Variants in TRPS1 observed in about 807,000 individuals in gnomAD.
TRPS1 encodes the protein transcriptional repressor GATA binding 1, also known as zinc finger transcription factor Trps1.
In TRPS1, 6 loss-of-function variants were observed where a neutral mutation model predicts 101.2. That is an observed-to-expected ratio of 0.06 (90% CI 0.03 to 0.12). TRPS1 has a LOEUF of 0.12. TRPS1 is among the 10% of genes least tolerant of loss of function. TRPS1 has a pLI of 1.00. For synonymous variants in TRPS1, 578 were observed against 589.8 expected, an observed-to-expected ratio of 0.98 and a Z score of 0.29; for missense variants, 1,363 against 1,567.0, an observed-to-expected ratio of 0.87 and a Z score of 2.20.
At chr8:115,533,447 T>TTTGTTTTTTTTTTTTTTTTTTTG (rs1554583407) in intron 5 of TRPS1, among the ~76,000 whole-genome samples, 2 of 131,444 alleles carry the variant, frequency 1.5e-5, no homozygotes, top group African/African-American at 6.2e-5. Context: ...TTTTTTTTTT[T>TTTGTTTTTTTTTTTTTTTTTTTG]TTTTTTTTTT....
intron 5 of TRPS1, among the ~76,000 whole-genome samples, chr8:115,535,250 A>ATATAGCATATG (rs1816269186): frequency 1.3e-5 from 1 of 76,604 alleles, no homozygotes; most frequent in Non-Finnish European, 2.6e-5. Context: ...TATAGCATAT[A>ATATAGCATATG]TAGCATATAT....
chr8:115,490,281 C>A (rs1194395327), intron 5 of TRPS1, among the ~76,000 whole-genome samples: 1 of 151,984 alleles, frequency 6.6e-6, no homozygotes, highest in African/African-American at 2.4e-5. Context: ...TCTTTGCATT[C>A]CAATTTTTCT....
intron 5 of TRPS1, among the ~76,000 whole-genome samples, chr8:115,560,695 T>C (rs1045243755): frequency 1.3e-5 from 2 of 152,104 alleles, no homozygotes; most frequent in African/African-American, 4.8e-5. Flanking sequence ...CTGGACTGGA[T>C]GAATGGCCTG....
chr8:115,513,055 A>G (rs1299180685), intron 5 of TRPS1, among the ~76,000 whole-genome samples: 1 of 151,622 alleles, frequency 6.6e-6, no homozygotes, highest in Non-Finnish European at 1.5e-5. Context: ...TTACAAAAAT[A>G]TTTTCAAAAA....
At chr8:115,426,830 C>A (rs1307996893) in intron 5 of TRPS1, among the ~76,000 whole-genome samples, 1 of 152,096 alleles carries the variant, frequency 6.6e-6, no homozygotes, top group African/African-American at 2.4e-5. Flanking sequence ...ACATATTATC[C>A]CAGTTCAGAT....
intron 5 of TRPS1, among the ~76,000 whole-genome samples, chr8:115,533,436 G>GTTATTTTTTTTTTTTTTTTT (rs1816187553): frequency 2.9e-5 from 1 of 34,986 alleles, no homozygotes; most frequent in Non-Finnish European, 5.3e-5. Flanking sequence ...CATGTAATCT[G>GTTATTTTTTTTTTTTTTTTT]TTTTTTTTTT....
At chr8:115,459,345 T>TAATAATAAA (rs1247156967) in intron 5 of TRPS1, among the ~76,000 whole-genome samples, 1 of 151,774 alleles carries the variant, frequency 6.6e-6, no homozygotes, top group Non-Finnish European at 1.5e-5. Context: ...ATAATAATAA[T>TAATAATAAA]AATGATGTTA....
chr8:115,649,601 G>A (rs577361600), intron 1 of TRPS1, among the ~76,000 whole-genome samples: 5 of 152,200 alleles, frequency 3.3e-5, no homozygotes, highest in African/African-American at 4.8e-5. Context: ...CTCTTGGAAC[G>A]CAGCCTTTCC....
At chr8:115,435,095 C>A (rs1813416426) in intron 5 of TRPS1, among the ~76,000 whole-genome samples, 1 of 152,142 alleles carries the variant, frequency 6.6e-6, no homozygotes, top group Non-Finnish European at 1.5e-5. Context: ...ACAAAGATGA[C>A]AAGGCCTCCG....
chr8:115,517,708 T>C (rs545446402), intron 5 of TRPS1, among the ~76,000 whole-genome samples: 1 of 151,814 alleles, frequency 6.6e-6, no homozygotes, highest in African/African-American at 2.4e-5. Flanking sequence ...TGTTAAAGTT[T>C]AAAGCTCCAA....
Position 115,447,022 on chromosome 8 carries a change from C to T in TRPS1, c.2701-28570G>A, listed in dbSNP as rs540617610. On this transcript the variant is annotated intron_variant, in intron 5 of 6. Coordinates refer to ENST00000395715, the MANE Select transcript of TRPS1 (RefSeq NM_014112.5). ...TTGTTTACAAATATGTTTCTTTTGC[C>T]CTACTCCAAGACCCGGTGAATCAGA... Among the ~76,000 whole-genome samples the T allele has an allele frequency of 2.0e-5, 3 of 152,132 alleles. 1 individual carries two copies. In the South Asian group the frequency reaches 6.2e-4, roughly 32 times the overall value.
intron 1 of TRPS1, among the ~76,000 whole-genome samples, chr8:115,632,244 T>C (rs1818663057): frequency 1.3e-5 from 2 of 152,148 alleles, no homozygotes; most frequent in South Asian, 4.1e-4. Context: ...TGCACTTATA[T>C]ATACATATGT....
At chr8:115,622,154 A>G (rs1034230435) in intron 2 of TRPS1, among the ~76,000 whole-genome samples, 3 of 152,114 alleles carry the variant, frequency 2.0e-5, no homozygotes, top group African/African-American at 7.2e-5. Flanking sequence ...GTGTCATTCT[A>G]TTAGGCCCTA....
At chr8:115,620,920 A>G (rs1818379136) in intron 2 of TRPS1, among the ~76,000 whole-genome samples, 1 of 152,234 alleles carries the variant, frequency 6.6e-6, no homozygotes, top group Non-Finnish European at 1.5e-5. Context: ...GAAACTGACT[A>G]AGAAAGAAGA....
chr8:115,574,875 C>T (rs72680017), intron 5 of TRPS1, among the ~76,000 whole-genome samples: 4,259 of 152,126 alleles, frequency 0.028, 92 homozygotes, highest in Non-Finnish European at 0.044. Flanking sequence ...AAGAAATGCA[C>T]CTTATTCAAA....
chr8:115,509,326 G>C (rs892607927), intron 5 of TRPS1, among the ~76,000 whole-genome samples: 1 of 151,924 alleles, frequency 6.6e-6, no homozygotes, highest in African/African-American at 2.4e-5. Flanking sequence ...CATCTGTTAA[G>C]TGCTAGGAAT....
chr8:115,483,726 T>G (rs928877087), intron 5 of TRPS1, among the ~76,000 whole-genome samples: 3 of 152,126 alleles, frequency 2.0e-5, no homozygotes, highest in Admixed American at 2.0e-4. Flanking sequence ...ACTGCAGGCA[T>G]GTATGAAAAG....
At chr8:115,467,243 G>A (rs772519250) in intron 5 of TRPS1, among the ~76,000 whole-genome samples, 3 of 152,050 alleles carry the variant, frequency 2.0e-5, no homozygotes, top group African/African-American at 7.2e-5. Flanking sequence ...TGAAGTGGCA[G>A]TGTCCTTTTC....
chr8:115,473,849 G>A (rs1178549862), intron 5 of TRPS1, among the ~76,000 whole-genome samples: 1 of 152,156 alleles, frequency 6.6e-6, no homozygotes, highest in African/African-American at 2.4e-5. Context: ...GATAGTATAT[G>A]TTATGTATGA....
Sources: gnomAD v4.1 joint callset for allele counts (sites outside exome capture counted in the v4.1 genomes callset) on GRCh38, gnomAD v4.1.1 for gene constraint, MANE v1.5 for transcripts, NCBI Gene and HGNC (gene_info 2026-07-23, HGNC 2026-07-21) for gene names.